The following RPTOR variants were observed in gnomAD, a reference collection of about 807,000 sequenced individuals.
RPTOR encodes the protein regulatory associated protein of MTOR complex 1.
Under a neutral mutation model 169.9 loss-of-function variants are expected in RPTOR, and 21 were observed. That is an observed-to-expected ratio of 0.12 (90% CI 0.09 to 0.18). The LOEUF is 0.18. RPTOR is among the 10% of genes least tolerant of loss of function. The pLI, the probability that RPTOR is intolerant of heterozygous loss-of-function variation, is 1.00. For missense variants in RPTOR, 1,133 were observed against 1,855.9 expected (o/e 0.61, Z 7.16); for synonymous variants, 732 against 753.2 (o/e 0.97, Z 0.46).
At position 80,726,466 on chromosome 17, in the gene RPTOR, A is replaced by C. The variant is rs2066335800; in HGVS notation, c.508-4094A>C. The stretch of plus-strand genomic sequence containing the variant: ...GACGGATCATCTTCCTGAACTTTGC[A>C]TCTCAGAATTTAAAATGGAGATTTT... On this transcript the variant is annotated intron_variant, in intron 4 of 33. Coordinates refer to ENST00000306801, the MANE Select transcript of RPTOR (RefSeq NM_020761.3). This position sits in a 1 kb window ranked among gnomAD's most constrained non-coding sequence, Gnocchi z 4.5. Among the ~76,000 whole-genome samples, 1 of 105,662 alleles carries C rather than the reference A, an allele frequency of 9.5e-6. No individual in the cohort carries two copies. Among genetic ancestry groups the C allele is most frequent in the African/African-American group, 3.7e-5 (1 of 27,380 alleles). 69.3% of individuals were successfully genotyped at this position (105,662 alleles called of 152,430 possible).
chr17:80,608,964 A>G lies in RPTOR; in HGVS notation c.163-16727A>G, dbSNP rs370676105. Reference sequence around the variant, plus strand: ...CCAATGTGAGAGTCGGGAATGAACAATGCCTTTTACTGACCTAGGAGGTGT... The same window carrying G: ...CCAATGTGAGAGTCGGGAATGAACAGTGCCTTTTACTGACCTAGGAGGTGT... On this transcript the variant is annotated intron_variant, in intron 1 of 33. Coordinates refer to ENST00000306801, the MANE Select transcript of RPTOR (RefSeq NM_020761.3). Among the ~76,000 whole-genome samples, 11 of 152,258 alleles carry G rather than the reference A, an allele frequency of 7.2e-5. No homozygotes were observed. The East Asian group carries it at 1.7e-3, about 24-fold the overall frequency.
At chr17:80,894,932 C>T (rs527888534) in intron 20 of RPTOR, among the ~76,000 whole-genome samples, 273 of 152,340 alleles carry the variant, frequency 1.8e-3, no homozygotes, top group South Asian at 3.7e-3. Flanking sequence ...CTATTGGCGC[C>T]GTCGCACGAT....
intron 21 of RPTOR, among the ~76,000 whole-genome samples, chr17:80,918,537 T>TCGCGGGGGTCATAGCCAC (rs1567986290): frequency 1.6e-4 from 5 of 31,776 alleles, no homozygotes; most frequent in Non-Finnish European, 3.9e-4. Flanking sequence ...GTCATAGCCA[T>TCGCGGGGGTCATAGCCAC]GAGCACCCTC....
chr17:80,810,048 AAAATAAAT>A (rs56853505), intron 7 of RPTOR, among the ~76,000 whole-genome samples: 1,937 of 144,128 alleles, frequency 0.013, 17 homozygotes, highest in South Asian at 0.023. Context: ...ACTCCATCTC[AAAATAAAT>A]AAATAAATAA....
chr17:80,826,180 G>A (rs1406527466), intron 9 of RPTOR, among the ~76,000 whole-genome samples: 2 of 152,112 alleles, frequency 1.3e-5, no homozygotes, highest in African/African-American at 4.8e-5. Context: ...ATCCTGAAGG[G>A]GATCCCGGCC....
At chr17:80,742,797 CACGCCTATAT>C (rs1461643640) in intron 5 of RPTOR, among the ~76,000 whole-genome samples, 1 of 152,052 alleles carries the variant, frequency 6.6e-6, no homozygotes, top group African/African-American at 2.4e-5. Flanking sequence ...CACACATGCA[CACGCCTATAT>C]ACACATATAT....
At chr17:80,574,659 T>C (rs1382197652) in intron 1 of RPTOR, among the ~76,000 whole-genome samples, 2 of 151,960 alleles carry the variant, frequency 1.3e-5, no homozygotes, top group Non-Finnish European at 2.9e-5. Context: ...CACTCTTTTT[T>C]GTTGTTGTTT....
intron 13 of RPTOR, among the ~76,000 whole-genome samples, chr17:80,858,598 G>T (rs1366908944): frequency 6.6e-6 from 1 of 152,232 alleles, no homozygotes; most frequent in East Asian, 1.9e-4. Context: ...GTGAGGCAGG[G>T]TCACCTCCTG....
chr17:80,885,273 G>A (rs1567967308), intron 17 of RPTOR, 125 bp downstream of exon 17: 9 of 1,120,850 alleles, frequency 8.0e-6, no homozygotes, highest in Admixed American at 2.8e-5. Flanking sequence ...GTCATTGCGA[G>A]AGCAGATCTT....
intron 7 of RPTOR, among the ~76,000 whole-genome samples, chr17:80,811,022 A>G (rs760084835): frequency 1.2e-4 from 18 of 152,214 alleles, no homozygotes; most frequent in Non-Finnish European, 2.2e-4. Flanking sequence ...GTCATCTGAA[A>G]ATACATACAG....
intron 6 of RPTOR, among the ~76,000 whole-genome samples, chr17:80,764,318 C>T (rs1202623872): frequency 6.7e-5 from 8 of 118,714 alleles, no homozygotes; most frequent in African/African-American, 2.6e-4. Flanking sequence ...CCCCCTCCCC[C>T]CACCCCACAA....
chr17:80,930,789 C>T (rs1354819938), intron 24 of RPTOR, among the ~76,000 whole-genome samples: 1 of 152,250 alleles, frequency 6.6e-6, no homozygotes, highest in Non-Finnish European at 1.5e-5. Context: ...CAGCTGGACT[C>T]TGGTGCTCGC....
intron 5 of RPTOR, among the ~76,000 whole-genome samples, chr17:80,736,972 A>T (rs983606215): frequency 6.6e-6 from 1 of 152,146 alleles, no homozygotes; most frequent in East Asian, 1.9e-4. Flanking sequence ...TTCCCCTGTA[A>T]TCTCATAGTT....
At chr17:80,840,894 A>ACTCACCACACGGCAGCTCACT (rs1431260107) in intron 10 of RPTOR, among the ~76,000 whole-genome samples, 3,478 of 18,370 alleles carry the variant, frequency 0.19, 1,008 homozygotes, top group Non-Finnish European at 0.23. Context: ...GGCAGCTCAC[A>ACTCACCACACGGCAGCTCACT]CTCACCACAC....
intron 28 of RPTOR, among the ~76,000 whole-genome samples, chr17:80,954,663 C>T (rs562404926): frequency 3.3e-5 from 5 of 152,224 alleles, no homozygotes; most frequent in Admixed American, 6.5e-5. Context: ...TGGTGGCTCA[C>T]GCCTGTAATC....
rs2066247682 is a variant in RPTOR at position 80,717,340 on chromosome 17, G to C, written c.507+9341G>C. On this transcript the variant is annotated intron_variant, in intron 4 of 33. Coordinates refer to ENST00000306801, the MANE Select transcript of RPTOR (RefSeq NM_020761.3). ...TTGTTCTATGAACCGCTTTATCATG[G>C]GTACCTAAAACCAAGCATCTCAGAA... Among the ~76,000 whole-genome samples the C allele has an allele frequency of 1.3e-5, 2 of 152,084 alleles. 1 individual carries two copies. Among genetic ancestry groups the C allele is most frequent in the South Asian group, 4.1e-4 (2 of 4,822 alleles).
chr17:80,911,810 T>A (rs2143942362), intron 21 of RPTOR, among the ~76,000 whole-genome samples: 1 of 152,246 alleles, frequency 6.6e-6, no homozygotes, highest in South Asian at 2.1e-4. Context: ...AAAATATATG[T>A]TTGTTACACA....
intron 11 of RPTOR, among the ~76,000 whole-genome samples, chr17:80,848,518 A>G (rs1449241962): frequency 6.6e-6 from 1 of 152,202 alleles, no homozygotes; most frequent in Non-Finnish European, 1.5e-5. Flanking sequence ...CAACCAAACA[A>G]CATTTGACAG....
chr17:80,848,217 G>A (rs2067753981), intron 11 of RPTOR, among the ~76,000 whole-genome samples: 1 of 152,196 alleles, frequency 6.6e-6, no homozygotes, highest in Admixed American at 6.5e-5. Context: ...GCCAAGGCGG[G>A]GAAGGATCAC....
Sources: allele counts gnomAD v4.1 joint callset (sites outside exome capture counted in the v4.1 genomes callset), GRCh38; gene constraint gnomAD v4.1.1; non-coding constraint Gnocchi (gnomAD v3.1); transcripts MANE v1.5; gene names NCBI Gene and HGNC (gene_info 2026-07-23, HGNC 2026-07-21).